Variants in ARID2 observed in about 807,000 individuals in gnomAD.
ARID2 encodes AT-rich interactive domain-containing protein 2.
Under a neutral mutation model 184.6 loss-of-function variants are expected in ARID2, and 32 were observed. The observed-to-expected ratio is 0.17, with a 90% CI of 0.13 to 0.23. The LOEUF is 0.23. ARID2 is among the 10% of genes least tolerant of loss of function. ARID2 has a pLI of 1.00. For missense variants in ARID2, 1,696 were observed against 2,197.6 expected (o/e 0.77, Z 4.56); for synonymous variants, 836 against 772.6 (o/e 1.08, Z -1.36).
rs1475555341 is a variant in ARID2, at chr12:45,850,668, G to T, written c.2545G>T (p.Ala849Ser). 6.2e-7 allele frequency: 1 copy of T among 1,614,058 alleles called. No individual in the cohort carries two copies. Among genetic ancestry groups the T allele is most frequent in the Non-Finnish European group, 8.5e-7 (1 of 1,179,996 alleles). The change falls in exon 15 of 21, where the codon GCA (alanine) becomes TCA (serine). Residue 849 changes from alanine (A) to serine (S), a missense_variant. By Grantham distance (99) the Ala-to-Ser change is moderately conservative. This residue lies in a region of ARID2 where 713 missense variants were observed against 824.4 expected (regional missense o/e 0.86). Transcript: ENST00000334344. ...CCAGTCACAAGATACTGTTATCATA[G>T]CACCCCCACAGTATGTAACAACTTC... ...GSQSQDTVII[A>S]PPQYVTTSAS...
intron 4 of ARID2, among the ~76,000 whole-genome samples, chr12:45,814,360 G>C (rs2138087173): frequency 6.6e-6 from 1 of 152,248 alleles, no homozygotes; most frequent in East Asian, 1.9e-4. Flanking sequence ...CAAGAATGTT[G>C]AAAATATGGA....
chr12:45,905,999 G>GA lies in ARID2; in HGVS notation c.*924dup, dbSNP rs1175160592. 4.6e-6 allele frequency: 1 copy of GA among 217,062 alleles called. No homozygotes were observed. The highest frequency in any genetic ancestry group is 6.4e-5 in the East Asian group (1 of 15,744). The allele number at this position is 217,062 out of a possible 1,614,324, so 13.4% of individuals were successfully genotyped here. A position where few individuals can be genotyped will look rare whatever the true frequency, so the allele number is the denominator to read the frequency against. On this transcript the variant is annotated 3_prime_UTR_variant, in exon 21 of 21. Coordinates refer to ENST00000334344, the MANE Select transcript of ARID2 (RefSeq NM_152641.4). ...CCTTGTAGAACTCATTTTGCTGGCTGAAAGAGTATGGAATAATATATCTCA... is the reference window on the plus strand; with the variant it reads ...CCTTGTAGAACTCATTTTGCTGGCTGAAAAGAGTATGGAATAATATATCTCA...
At chr12:45,900,807 A>G (rs1308996601) in intron 20 of ARID2, among the ~76,000 whole-genome samples, 2 of 152,144 alleles carry the variant, frequency 1.3e-5, no homozygotes, top group East Asian at 1.9e-4. Flanking sequence ...ATTTTTCTTT[A>G]AAAACCTGAG....
At chr12:45,775,260 T>C (rs1452618097) in intron 3 of ARID2, among the ~76,000 whole-genome samples, 1 of 152,226 alleles carries the variant, frequency 6.6e-6, no homozygotes, top group Non-Finnish European at 1.5e-5. Flanking sequence ...AAGTTTGCAG[T>C]GTTTGCCATC....
rs73292528 is a variant in ARID2, at chr12:45,845,161, C to T, written c.1499-1695C>T. Reference sequence around the variant, plus strand: ...TTATAAAGACTTCTCATGATTTCAACGTAATTTCTAGTGTTTCATGAAATT... The same window carrying T: ...TTATAAAGACTTCTCATGATTTCAATGTAATTTCTAGTGTTTCATGAAATT... On this transcript the variant is annotated intron_variant, in intron 11 of 20. Transcript: ENST00000334344. Among the ~76,000 whole-genome samples the T allele has an allele frequency of 5.4e-3, 818 of 152,162 alleles. 6 individuals are homozygous for T. The highest frequency in any genetic ancestry group is 0.019 in the African/African-American group (775 of 41,516).
intron 3 of ARID2, among the ~76,000 whole-genome samples, chr12:45,758,932 A>G (rs1941621573): frequency 6.6e-6 from 1 of 152,160 alleles, no homozygotes; most frequent in Non-Finnish European, 1.5e-5. Flanking sequence ...TCATGTAGTA[A>G]GCCTTAGAGA....
intron 16 of ARID2, among the ~76,000 whole-genome samples, chr12:45,882,473 TAG>T (rs1944121752): frequency 6.6e-6 from 1 of 152,248 alleles, no homozygotes; most frequent in Non-Finnish European, 1.5e-5. Context: ...ATTTGTTTTC[TAG>T]AACAAAGGTA....
chr12:45,773,785 T>A (rs1036009957), intron 3 of ARID2, among the ~76,000 whole-genome samples: 1 of 152,164 alleles, frequency 6.6e-6, no homozygotes, highest in Non-Finnish European at 1.5e-5. Context: ...AAGGCCCAGA[T>A]GGTTTAACTA....
chr12:45,838,413 C>T (rs1943260219), intron 10 of ARID2, among the ~76,000 whole-genome samples: 1 of 152,134 alleles, frequency 6.6e-6, no homozygotes, highest in Non-Finnish European at 1.5e-5. Context: ...TGTCACTTTT[C>T]ATATCAGTGA....
chr12:45,776,552 G>A (rs1483934361), intron 3 of ARID2, among the ~76,000 whole-genome samples: 3 of 152,198 alleles, frequency 2.0e-5, no homozygotes, highest in Non-Finnish European at 4.4e-5. Context: ...ATCCTGTACT[G>A]TGGGAGTATG....
chr12:45,739,903 A>G (rs556936846), intron 3 of ARID2, among the ~76,000 whole-genome samples: 1 of 152,186 alleles, frequency 6.6e-6, no homozygotes, highest in African/African-American at 2.4e-5. Flanking sequence ...AATGGGATGA[A>G]TTTAACTTTT....
At chr12:45,827,995 T>G (rs985612239) in intron 6 of ARID2, among the ~76,000 whole-genome samples, 1 of 152,058 alleles carries the variant, frequency 6.6e-6, no homozygotes, top group African/African-American at 2.4e-5. Flanking sequence ...ATATATTATC[T>G]TTTTTGGACT....
chr12:45,906,676 A>T lies in ARID2; in HGVS notation c.*1598A>T, dbSNP rs576609051. On this transcript the variant is annotated 3_prime_UTR_variant, in exon 21 of 21. Transcript: ENST00000334344. ...TTGATTGATAACATATTAAATAGAG[A>T]ACAAATAAGAGAGGTCCTTTACATG... 2.2e-5 allele frequency: 5 copies of T among 232,210 alleles called. No individual in the cohort carries two copies. The South Asian group carries it at 7.2e-4, about 34-fold the overall frequency. 14.4% of individuals were successfully genotyped at this position (232,210 alleles called of 1,614,324 possible). A position where few individuals can be genotyped will look rare whatever the true frequency, so the allele number is the denominator to read the frequency against.
At chr12:45,807,838 A>G (rs1402081633) in intron 3 of ARID2, among the ~76,000 whole-genome samples, 2 of 152,100 alleles carry the variant, frequency 1.3e-5, no homozygotes, top group East Asian at 1.9e-4. Context: ...AACCTAATTT[A>G]TTTCTTTGTC....
rs1362533296 is a variant in ARID2, at chr12:45,905,940, C to CTTTTTTTTTT, written c.*864_*873dup. The CTTTTTTTTTT allele has an allele frequency of 3.0e-5, 5 of 166,982 alleles. No individual in the cohort carries two copies. The highest frequency in any genetic ancestry group is 1.1e-4 in the African/African-American group (4 of 35,846). The allele number at this position is 166,982 out of a possible 1,614,324, so 10.3% of individuals were successfully genotyped here. A position where few individuals can be genotyped will look rare whatever the true frequency, so the allele number is the denominator to read the frequency against. On this transcript the variant is annotated 3_prime_UTR_variant, in exon 21 of 21. Coordinates refer to ENST00000334344, the MANE Select transcript of ARID2 (RefSeq NM_152641.4). ...GAACTGTGATTTTTTTTTCTTTTTT[C>CTTTTTTTTTT]TTTTTTTTTTTCTTTTTTTTTTTGT... is the stretch of plus-strand genomic sequence containing the variant.
intron 3 of ARID2, among the ~76,000 whole-genome samples, chr12:45,798,158 A>G (rs1372338855): frequency 2.0e-5 from 3 of 152,126 alleles, no homozygotes; most frequent in Non-Finnish European, 2.9e-5. Flanking sequence ...ACAGCTATAT[A>G]CTAATCCAAC....
intron 3 of ARID2, among the ~76,000 whole-genome samples, chr12:45,797,317 C>T (rs1004889222): frequency 4.6e-5 from 7 of 152,168 alleles, no homozygotes; most frequent in South Asian, 2.1e-4. Flanking sequence ...TCACTGCAAC[C>T]TCTGCCTCCT....
intron 13 of ARID2, 81 bp downstream of exon 13, chr12:45,849,051 C>A: frequency 6.9e-7 from 1 of 1,444,732 alleles, no homozygotes; most frequent in South Asian, 1.4e-5. Context: ...TACCAAATAT[C>A]TTATCTAGTT....
chr12:45,858,097 T>C (rs1028333613), intron 15 of ARID2, among the ~76,000 whole-genome samples: 23 of 152,194 alleles, frequency 1.5e-4, no homozygotes, highest in African/African-American at 5.1e-4. Context: ...TCAGAGTAAA[T>C]ACAATTCTTG....
Sources: gnomAD v4.1 joint callset for allele counts (sites outside exome capture counted in the v4.1 genomes callset) on GRCh38, gnomAD v4.1.1 for gene constraint, gnomAD v4.1.1 regional missense constraint, MANE v1.5 for transcripts, NCBI Gene and HGNC (gene_info 2026-07-23, HGNC 2026-07-21) for gene names.